Variants in PIK3R3 observed in about 807,000 individuals in gnomAD.
PIK3R3 encodes the protein phosphatidylinositol 3-kinase regulatory subunit gamma.
PIK3R3 carries 64 observed loss-of-function variants against 62.9 expected under a neutral mutation model. That is an observed-to-expected ratio of 1.02 (90% CI 0.83 to 1.25). The LOEUF (loss-of-function observed/expected upper bound fraction) is 1.25. PIK3R3 is among the 50% of genes most tolerant of loss of function. The pLI, the probability that PIK3R3 is intolerant of heterozygous loss-of-function variation, is 0.00. For missense variants in PIK3R3, 614 were observed against 561.6 expected, an observed-to-expected ratio of 1.09 and a Z score of -0.94; for synonymous variants, 165 against 189.0, an observed-to-expected ratio of 0.87 and a Z score of 1.04.
At chr1:46,148,043 G>T in the PIK3R3 span, among the ~76,000 whole-genome samples, 1 of 152,152 alleles carries the variant, frequency 6.6e-6, no homozygotes, top group African/African-American at 2.4e-5. Flanking sequence ...AGAGTTTTTC[G>T]TAAACATTAT....
At position 46,132,610 on chromosome 1, in the gene PIK3R3, A is replaced by C; in HGVS notation, c.-658T>G. ...TGTAAGAACCAACCCGACCGCACCA[A>C]CTGCCCTCAAGCTCTGCCCGGACTC... On this transcript the variant is annotated 5_prime_UTR_variant, in exon 1 of 10. Transcript: ENST00000262741. The C allele has an allele frequency of 1.6e-6, 2 of 1,289,502 alleles. No homozygotes were observed. 79.9% of individuals were successfully genotyped at this position (1,289,502 alleles called of 1,614,324 possible).
At chr1:46,066,832 T>A in intron 4 of PIK3R3, 79 bp downstream of exon 4, 2 of 1,144,714 alleles carry the variant, frequency 1.7e-6, no homozygotes, top group African/African-American at 3.1e-5. Context: ...TTAAAACTGA[T>A]AAGCCTGGTA....
At chr1:46,166,735 C>T in the PIK3R3 span, among the ~76,000 whole-genome samples, 1 of 152,172 alleles carries the variant, frequency 6.6e-6, no homozygotes, top group African/African-American at 2.4e-5. Flanking sequence ...AGTAATCGGT[C>T]GAATTCGCTA....
At position 46,117,643 on chromosome 1, in the gene PIK3R3, A is replaced by T. The variant is rs934486649; in HGVS notation, c.106+14204T>A. Among the ~76,000 whole-genome samples, 3 of 152,220 alleles carry T rather than the reference A, an allele frequency of 2.0e-5. No individual in the cohort carries two copies. The East Asian group carries it at 5.8e-4, about 29-fold the overall frequency. On this transcript the variant is annotated intron_variant, in intron 1 of 9. Coordinates refer to ENST00000262741, the MANE Select transcript of PIK3R3 (RefSeq NM_003629.4). ...GCACTTGTAGTCCCAGCTACTCGGG[A>T]GGCTGAGGTAAGAGGATTGCTTGAG...
rs1017645743 is a variant in PIK3R3, at chr1:46,101,968, T to C, written c.107-21218A>G. Among the ~76,000 whole-genome samples the C allele has an allele frequency of 1.5e-4, 23 of 149,976 alleles. No homozygotes were observed. In the South Asian group the frequency reaches 2.3e-3, roughly 15 times the overall value. On this transcript the variant is annotated intron_variant, in intron 1 of 9. Transcript: ENST00000262741. ...ATTAACAATGTAATGTATCAAAACA[T>C]TGAATTGTATACTTTTTTTTTTTTT...
the PIK3R3 span, among the ~76,000 whole-genome samples, chr1:46,147,776 G>A: frequency 6.6e-6 from 1 of 152,172 alleles, no homozygotes; most frequent in Admixed American, 6.5e-5. Flanking sequence ...ACAGATTTGT[G>A]CTAATGAAAA....
At chr1:46,096,485 TGCCACAA>T (rs2149435751) in intron 1 of PIK3R3, among the ~76,000 whole-genome samples, 1 of 152,358 alleles carries the variant, frequency 6.6e-6, no homozygotes, top group East Asian at 1.9e-4. Context: ...TTCTGCTGGG[TGCCACAA>T]GTCATTCCTC....
the PIK3R3 span, among the ~76,000 whole-genome samples, chr1:46,156,629 C>T: frequency 6.6e-6 from 1 of 152,150 alleles, no homozygotes; most frequent in Non-Finnish European, 1.5e-5. Flanking sequence ...CTCTGAGCCA[C>T]AACTGCCCCT....
intron 7 of PIK3R3, among the ~76,000 whole-genome samples, chr1:46,054,286 C>T (rs1293305267): frequency 2.0e-5 from 3 of 151,426 alleles, no homozygotes; most frequent in Non-Finnish European, 4.4e-5. Context: ...CCCAGCTACT[C>T]GGAAGGCTGA....
At chr1:46,129,674 T>C (rs1014421304) in intron 1 of PIK3R3, among the ~76,000 whole-genome samples, 2 of 152,168 alleles carry the variant, frequency 1.3e-5, no homozygotes, top group African/African-American at 4.8e-5. Context: ...TCACTAATGA[T>C]ACAGTTTTAA....
chr1:46,082,386 A>C (rs1650678852), intron 1 of PIK3R3, among the ~76,000 whole-genome samples: 1 of 152,244 alleles, frequency 6.6e-6, no homozygotes, highest in Non-Finnish European at 1.5e-5. Flanking sequence ...AGATTGAAGA[A>C]GACTAAAGAA....
chr1:46,115,109 GA>G (rs1240661635), intron 1 of PIK3R3, among the ~76,000 whole-genome samples: 2 of 152,056 alleles, frequency 1.3e-5, no homozygotes, highest in Non-Finnish European at 1.5e-5. Flanking sequence ...CAGGAATGAG[GA>G]AACATACAAA....
At chr1:46,135,745 A>G (rs1323576096), upstream of PIK3R3, among the ~76,000 whole-genome samples, 1 of 152,056 alleles carries the variant, frequency 6.6e-6, no homozygotes, top group African/African-American at 2.4e-5. Flanking sequence ...AGCCTTGCAA[A>G]ATGGGGCCGG....
chr1:46,159,030 T>C, the PIK3R3 span, among the ~76,000 whole-genome samples: 1 of 151,894 alleles, frequency 6.6e-6, no homozygotes, highest in East Asian at 1.9e-4. Context: ...GAAGTTGCAG[T>C]GAGCCGAGAT....
At chr1:46,117,323 C>A (rs1346920851) in intron 1 of PIK3R3, among the ~76,000 whole-genome samples, 1 of 152,076 alleles carries the variant, frequency 6.6e-6, no homozygotes, top group Non-Finnish European at 1.5e-5. Context: ...GTCCTAGCTA[C>A]TCAGGAGGCT....
chr1:46,113,875 C>T (rs146624274), intron 1 of PIK3R3, among the ~76,000 whole-genome samples: 22 of 151,940 alleles, frequency 1.4e-4, no homozygotes, highest in African/African-American at 4.1e-4. Context: ...AGACACTAAA[C>T]GATAATAAGT....
the PIK3R3 span, among the ~76,000 whole-genome samples, chr1:46,161,062 C>G: frequency 1.3e-5 from 2 of 152,124 alleles, no homozygotes; most frequent in Admixed American, 1.3e-4. Context: ...CTCCAAGAAA[C>G]TACTAAACAC....
intron 2 of PIK3R3, among the ~76,000 whole-genome samples, chr1:46,077,970 A>G (rs1650225783): frequency 1.3e-5 from 2 of 152,248 alleles, no homozygotes; most frequent in African/African-American, 2.4e-5. Context: ...AAAGAAGGTT[A>G]TATTTAAGCA....
chr1:46,096,084 C>T (rs1473454272), intron 1 of PIK3R3, among the ~76,000 whole-genome samples: 1 of 152,192 alleles, frequency 6.6e-6, no homozygotes, highest in Non-Finnish European at 1.5e-5. Flanking sequence ...GTGCCCGACA[C>T]AATGGATTAA....
Sources: gnomAD v4.1 joint callset for allele counts (sites outside exome capture counted in the v4.1 genomes callset) on GRCh38, gnomAD v4.1.1 for gene constraint, MANE v1.5 for transcripts, NCBI Gene and HGNC (gene_info 2026-07-23, HGNC 2026-07-21) for gene names.